Variants in FAM107B observed in about 807,000 individuals in gnomAD.
FAM107B encodes protein FAM107B.
FAM107B carries 21 observed loss-of-function variants against 31.5 expected under a neutral mutation model. The ratio of observed to expected loss-of-function variants is 0.67; its 90% CI spans 0.47 to 0.96. The LOEUF (loss-of-function observed/expected upper bound fraction) is 0.96. Ranked by LOEUF, FAM107B falls within the 40% of genes least tolerant of loss-of-function variation. The pLI, the probability that FAM107B is intolerant of heterozygous loss-of-function variation, is 0.00. For missense variants in FAM107B, 452 were observed against 377.1 expected (o/e 1.20, Z -1.64); for synonymous variants, 157 against 141.5 (o/e 1.11, Z -0.78).
intron 1 of FAM107B, among the ~76,000 whole-genome samples, chr10:14,719,592 T>C (rs1374034504): frequency 1.3e-5 from 2 of 152,138 alleles, no homozygotes; most frequent in Non-Finnish European, 2.9e-5. Flanking sequence ...TTTCCCATGC[T>C]CCCTTGCGTA....
intron 3 of FAM107B, chr10:14,527,818 A>C: frequency 4.4e-6 from 1 of 225,570 alleles, no homozygotes; most frequent in Non-Finnish European, 9.0e-6. Flanking sequence ...TTGGCACTAA[A>C]ATTTAGAAAT....
chr10:14,702,643 C>A (rs570209692), intron 1 of FAM107B, among the ~76,000 whole-genome samples: 1 of 152,210 alleles, frequency 6.6e-6, no homozygotes. Context: ...AGCTGCTGCA[C>A]CTGGCCAAAG....
intron 1 of FAM107B, among the ~76,000 whole-genome samples, chr10:14,765,793 A>T (rs1833149029): frequency 1.3e-5 from 2 of 152,240 alleles, no homozygotes; most frequent in South Asian, 4.1e-4. Context: ...AAATTCTCTC[A>T]TCTTCTGTTC....
chr10:14,555,055 T>A (rs1179820412), intron 2 of FAM107B, among the ~76,000 whole-genome samples: 2 of 152,228 alleles, frequency 1.3e-5, no homozygotes, highest in Non-Finnish European at 1.5e-5. Context: ...CTGCTCAGAT[T>A]AGTCATAAGC....
At chr10:14,767,679 T>C (rs1186800114) in intron 1 of FAM107B, among the ~76,000 whole-genome samples, 1 of 151,924 alleles carries the variant, frequency 6.6e-6, no homozygotes, top group Admixed American at 6.6e-5. Flanking sequence ...CTCAACACAA[T>C]AAAGTTCATA....
At chr10:14,728,913 G>A (rs151190803) in intron 1 of FAM107B, among the ~76,000 whole-genome samples, 25 of 152,208 alleles carry the variant, frequency 1.6e-4, no homozygotes, top group African/African-American at 6.0e-4. Flanking sequence ...AATCTGCCTC[G>A]TAATGAATAG....
At chr10:14,540,858 G>A (rs1041620926) in intron 2 of FAM107B, among the ~76,000 whole-genome samples, 1 of 152,148 alleles carries the variant, frequency 6.6e-6, no homozygotes, top group East Asian at 1.9e-4. Context: ...ACACTGCCCA[G>A]GTGCTGGAAA....
chr10:14,654,229 C>T (rs932998079), intron 2 of FAM107B, among the ~76,000 whole-genome samples: 2 of 151,860 alleles, frequency 1.3e-5, no homozygotes, highest in Non-Finnish European at 2.9e-5. Context: ...CATTGGCAAC[C>T]AATTTTCAAA....
chr10:14,699,093 G>T (rs200690301), intron 1 of FAM107B, among the ~76,000 whole-genome samples: 1 of 152,136 alleles, frequency 6.6e-6, no homozygotes, highest in Non-Finnish European at 1.5e-5. Context: ...GAGACAGAGG[G>T]AACAAAGGCA....
intron 2 of FAM107B, among the ~76,000 whole-genome samples, chr10:14,631,285 T>A (rs537809605): frequency 1.8e-4 from 28 of 152,330 alleles, no homozygotes; most frequent in African/African-American, 6.7e-4. Flanking sequence ...ATTTCTTTCA[T>A]GAGCTGCCAC....
intron 2 of FAM107B, among the ~76,000 whole-genome samples, chr10:14,573,412 C>T (rs1851353789): frequency 6.6e-6 from 1 of 152,034 alleles, no homozygotes; most frequent in African/African-American, 2.4e-5. Flanking sequence ...CCTTGGACTT[C>T]CCAGTCTCCA....
Position 14,685,857 on chromosome 10 carries a change from T to C in FAM107B, c.412-18166A>G, listed in dbSNP as rs895114076. 2.0e-5 allele frequency among the ~76,000 whole-genome samples: 3 copies of C among 152,310 alleles called. No individual in the cohort carries two copies. In the East Asian group the frequency reaches 5.8e-4, roughly 29 times the overall value. Reference sequence around the variant, plus strand: ...AAGAGGTTTAATGGACTCACAGTTCTACATGGCTGGGGCGGCCTCACAATC... The same window carrying C: ...AAGAGGTTTAATGGACTCACAGTTCCACATGGCTGGGGCGGCCTCACAATC... On this transcript the variant is annotated intron_variant, in intron 1 of 4. Coordinates refer to ENST00000181796, the MANE Select transcript of FAM107B (RefSeq NM_031453.4).
intron 2 of FAM107B, among the ~76,000 whole-genome samples, chr10:14,622,797 G>C (rs1588664519): frequency 6.6e-6 from 1 of 152,188 alleles, no homozygotes; most frequent in Non-Finnish European, 1.5e-5. Flanking sequence ...TTGAGCATTT[G>C]TGTCCCAGTT....
In FAM107B at chr10:14,703,794, G is replaced by C. The variant is rs543852392; in HGVS notation, c.412-36103C>G. ...GCTTCCAGTTTTCACACTTACATCA[G>C]GACTTGATAAATGCTGTCTCGATTT... On this transcript the variant is annotated intron_variant, in intron 1 of 4. Transcript: ENST00000181796. Among the ~76,000 whole-genome samples the C allele has an allele frequency of 2.6e-5, 4 of 152,280 alleles. No homozygotes were observed. The East Asian group carries it at 5.8e-4, about 22-fold the overall frequency.
intron 1 of FAM107B, among the ~76,000 whole-genome samples, chr10:14,700,756 CT>C: frequency 7.0e-6 from 1 of 142,862 alleles, no homozygotes; most frequent in South Asian, 2.2e-4. Flanking sequence ...ACAGCTGAAG[CT>C]ACTTGAAATC....
At position 14,603,694 on chromosome 10, in the gene FAM107B, C is replaced by T. The variant is rs565109435; in HGVS notation, c.469+63940G>A. Among the ~76,000 whole-genome samples, 153 of 152,312 alleles carry T rather than the reference C, an allele frequency of 1.0e-3. 1 individual carries two copies. Among genetic ancestry groups the T allele is most frequent in the Non-Finnish European group, 1.2e-3 (81 of 68,016 alleles). ...ACCCCATATGCTGGGTTCACTGGAA[C>T]AGGGGAGAAAGAGAAGAGGCAAAAG... On this transcript the variant is annotated intron_variant, in intron 2 of 4. Coordinates refer to ENST00000181796, the MANE Select transcript of FAM107B (RefSeq NM_031453.4).
At chr10:14,527,753 G>T (rs780390828) in intron 3 of FAM107B, among the ~76,000 whole-genome samples, 1 of 152,150 alleles carries the variant, frequency 6.6e-6, no homozygotes, top group Non-Finnish European at 1.5e-5. Flanking sequence ...CAGTAATCAA[G>T]ACTGGTTATT....
At chr10:14,708,677 C>G (rs1219359147) in intron 1 of FAM107B, among the ~76,000 whole-genome samples, 1 of 152,070 alleles carries the variant, frequency 6.6e-6, no homozygotes, top group Non-Finnish European at 1.5e-5. Context: ...GCAAAAGTCA[C>G]CATTAAGATA....
At chr10:14,641,853 A>T (rs765659505) in intron 2 of FAM107B, among the ~76,000 whole-genome samples, 5 of 152,192 alleles carry the variant, frequency 3.3e-5, no homozygotes, top group Non-Finnish European at 7.3e-5. Flanking sequence ...TCCTTCTTGT[A>T]TGCAAAATAT....
Sources: allele counts gnomAD v4.1 joint callset (sites outside exome capture counted in the v4.1 genomes callset), GRCh38; gene constraint gnomAD v4.1.1; transcripts MANE v1.5; gene names NCBI Gene and HGNC (gene_info 2026-07-23, HGNC 2026-07-21).